TTC33: variants seen among roughly 807,000 people sequenced by gnomAD.
The protein encoded by TTC33 is tetratricopeptide repeat protein 33.
Under a neutral mutation model 29.4 loss-of-function variants are expected in TTC33, and 24 were observed. The observed-to-expected ratio is 0.82, with a 90% CI of 0.59 to 1.15. The LOEUF (loss-of-function observed/expected upper bound fraction) is 1.15. TTC33 is among the 50% of genes most tolerant of loss of function. The pLI is 0.00. For missense variants in TTC33, 286 were observed against 310.4 expected (o/e 0.92, Z 0.59); for synonymous variants, 107 against 100.3 (o/e 1.07, Z -0.40).
chr5:40,723,154 A>C (rs1343278920), intron 4 of TTC33, among the ~76,000 whole-genome samples: 1 of 152,140 alleles, frequency 6.6e-6, no homozygotes, highest in African/African-American at 2.4e-5. Flanking sequence ...GTGCTCTCTG[A>C]AACATGTGCT....
intron 1 of TTC33, among the ~76,000 whole-genome samples, chr5:40,749,285 T>C (rs981745357): frequency 3.9e-5 from 6 of 152,176 alleles, no homozygotes; most frequent in African/African-American, 1.4e-4. Flanking sequence ...GTATAGATGG[T>C]CTTCAAGATA....
chr5:40,744,672 C>T (rs1742758410), intron 2 of TTC33, among the ~76,000 whole-genome samples: 1 of 152,198 alleles, frequency 6.6e-6, no homozygotes, highest in South Asian at 2.1e-4. Context: ...GCCTATTAGG[C>T]TACTATTCCT....
intron 2 of TTC33, among the ~76,000 whole-genome samples, chr5:40,740,015 T>G (rs908338570): frequency 6.6e-6 from 1 of 152,118 alleles, no homozygotes; most frequent in African/African-American, 2.4e-5. Flanking sequence ...TTTTATTATT[T>G]TTTAATGGTT....
intron 1 of TTC33, among the ~76,000 whole-genome samples, chr5:40,751,682 T>A (rs1290370136): frequency 6.6e-6 from 1 of 152,062 alleles, no homozygotes; most frequent in Non-Finnish European, 1.5e-5. Context: ...CTTATGGCCA[T>A]GCGCAGTGGC....
chr5:40,738,493 AC>A (rs1167965163), intron 2 of TTC33, among the ~76,000 whole-genome samples: 6 of 134,952 alleles, frequency 4.4e-5, no homozygotes, highest in African/African-American at 1.2e-4. Context: ...ACAATACAAT[AC>A]AATACAATAC....
chr5:40,716,229 A>G lies in TTC33; in HGVS notation c.705T>C (p.Ser235=), dbSNP rs1197497896. The part of the protein sequence containing the change: ...VSANKTMVIV[S]ASGAIETVTE... ...TTACAGTCTCTATGGCCCCAGAAGC[A>G]GACACAATAACCATTGTTTTATTTG... is the stretch of plus-strand genomic sequence containing the variant. The change falls in exon 5 of 5, where the codon TCT becomes TCC. Residue 235 remains serine, a synonymous_variant. Transcript: ENST00000337702. 5 of 1,614,248 alleles carry G rather than the reference A, an allele frequency of 3.1e-6. No homozygotes were observed. The highest frequency in any genetic ancestry group is 1.7e-5 in the Admixed American group (1 of 60,024).
chr5:40,735,027 T>G (rs567815860), intron 2 of TTC33, among the ~76,000 whole-genome samples: 1 of 151,930 alleles, frequency 6.6e-6, no homozygotes, highest in Non-Finnish European at 1.5e-5. Flanking sequence ...CTGGAGAAGG[T>G]CCATTCCAGG....
intron 2 of TTC33, among the ~76,000 whole-genome samples, chr5:40,734,181 T>G (rs1260661703): frequency 1.3e-5 from 2 of 152,242 alleles, no homozygotes; most frequent in African/African-American, 4.8e-5. Context: ...TCTCTTTGGT[T>G]TACTTCTGTT....
At chr5:40,749,442 C>A (rs897988062) in intron 1 of TTC33, among the ~76,000 whole-genome samples, 1 of 151,730 alleles carries the variant, frequency 6.6e-6, no homozygotes, top group African/African-American at 2.4e-5. Flanking sequence ...ACTAGAGAAA[C>A]AGAGAAAAAA....
At chr5:40,746,696 T>C in intron 2 of TTC33, 102 bp downstream of exon 2, 2 of 910,936 alleles carry the variant, frequency 2.2e-6, no homozygotes, top group Non-Finnish European at 3.2e-6. Context: ...GAATAGATTT[T>C]TAAACATGAA....
intron 2 of TTC33, among the ~76,000 whole-genome samples, chr5:40,742,753 G>A (rs1329976195): frequency 1.3e-5 from 2 of 152,182 alleles, no homozygotes; most frequent in African/African-American, 2.4e-5. Flanking sequence ...TTTCATTCGG[G>A]AGGAGGGTGA....
chr5:40,734,165 C>G (rs1414955443), intron 2 of TTC33, among the ~76,000 whole-genome samples: 1 of 152,204 alleles, frequency 6.6e-6, no homozygotes, highest in African/African-American at 2.4e-5. Flanking sequence ...CTTCCCCCTT[C>G]TCATTTCTCT....
intron 4 of TTC33, among the ~76,000 whole-genome samples, chr5:40,718,641 G>A (rs886418768): frequency 6.6e-6 from 1 of 152,084 alleles, no homozygotes; most frequent in Admixed American, 6.5e-5. Flanking sequence ...AGGGGGCTGA[G>A]GCATGAGAAT....
intron 1 of TTC33, 130 bp from the exon 2 acceptor site, chr5:40,747,149 C>A (rs1742805362): frequency 1.3e-6 from 1 of 754,680 alleles, no homozygotes; most frequent in African/African-American, 1.8e-5. Flanking sequence ...ACCTCCGCCT[C>A]CCGGGTTAAG....
At chr5:40,738,497 T>TAA (rs1398255477) in intron 2 of TTC33, among the ~76,000 whole-genome samples, 74 of 131,350 alleles carry the variant, frequency 5.6e-4, no homozygotes, top group Non-Finnish European at 9.2e-4. Flanking sequence ...TACAATACAA[T>TAA]ACAATACAAT....
At chr5:40,720,867 A>T (rs1035088361) in intron 4 of TTC33, among the ~76,000 whole-genome samples, 2 of 152,214 alleles carry the variant, frequency 1.3e-5, no homozygotes, top group Admixed American at 6.5e-5. Flanking sequence ...GAAAGAATGA[A>T]TTGGTCTGAG....
intron 2 of TTC33, among the ~76,000 whole-genome samples, chr5:40,735,342 G>A (rs1024146010): frequency 1.3e-5 from 2 of 152,062 alleles, no homozygotes; most frequent in Non-Finnish European, 2.9e-5. Context: ...AAGTAATTTA[G>A]GTATGAGATA....
At chr5:40,718,507 G>A (rs149656612) in intron 4 of TTC33, among the ~76,000 whole-genome samples, 161 of 152,240 alleles carry the variant, frequency 1.1e-3, no homozygotes, top group Middle Eastern at 3.4e-3. Flanking sequence ...TCTGGCAGGC[G>A]GAGGTGGGCA....
At chr5:40,720,428 T>C (rs1483353310) in intron 4 of TTC33, among the ~76,000 whole-genome samples, 1 of 152,244 alleles carries the variant, frequency 6.6e-6, no homozygotes, top group Non-Finnish European at 1.5e-5. Flanking sequence ...ATCTAAGTAC[T>C]ATACTGTCTT....
Sources: gnomAD v4.1 joint callset for allele counts (sites outside exome capture counted in the v4.1 genomes callset) on GRCh38, gnomAD v4.1.1 for gene constraint, MANE v1.5 for transcripts, NCBI Gene and HGNC (gene_info 2026-07-23, HGNC 2026-07-21) for gene names.